Variants in ESR2 observed in about 807,000 individuals in gnomAD.
ESR2 encodes the protein estrogen receptor 2.
A neutral mutation model predicts 49.6 loss-of-function variants in ESR2; 36 were observed. The ratio of observed to expected loss-of-function variants is 0.73; its 90% CI spans 0.56 to 0.96. The LOEUF is 0.96. ESR2 is among the 40% of genes least tolerant of loss of function. ESR2 has a pLI of 0.00. For synonymous variants in ESR2, 320 were observed against 266.1 expected (o/e 1.20, Z -1.97); for missense variants, 714 against 693.0 (o/e 1.03, Z -0.34).
intron 1 of ESR2, among the ~76,000 whole-genome samples, chr14:64,303,230 C>T (rs1460962571): frequency 6.6e-6 from 1 of 152,192 alleles, no homozygotes; most frequent in African/African-American, 2.4e-5. Context: ...CACAGGTGCT[C>T]AGGTCGGCTT....
In ESR2 at chr14:64,300,764, T is replaced by A. The variant is rs182377180; in HGVS notation, c.-90-17689A>T. Among the ~76,000 whole-genome samples, 946 of 151,788 alleles carry A rather than the reference T, an allele frequency of 6.2e-3. 9 individuals carry two copies. Among genetic ancestry groups the A allele is most frequent in the African/African-American group, 0.021 (850 of 41,402 alleles). On this transcript the variant is annotated intron_variant, in intron 1 of 8. Transcript: ENST00000358599. ...GATACCTCATCTTTAAAAAAAAAAA[T>A]TTTTTTCTGACACTCAGCATTACAT...
Position 64,279,314 on chromosome 14 carries a change from G to T in ESR2, c.535+667C>A, listed in dbSNP as rs34160122. Among the ~76,000 whole-genome samples, 1,107 of 152,174 alleles carry T rather than the reference G, an allele frequency of 7.3e-3. 9 individuals are homozygous for T. Among genetic ancestry groups the T allele is most frequent in the Non-Finnish European group, 9.8e-3 (667 of 68,026 alleles). ...CTGAGGGCTATGTCACAGGCCATTTGTCACTCATATTTGGCTCAGAATAAA... is the reference window on the plus strand; with the variant it reads ...CTGAGGGCTATGTCACAGGCCATTTTTCACTCATATTTGGCTCAGAATAAA... On this transcript the variant is annotated intron_variant, in intron 3 of 8. Transcript: ENST00000341099.
chr14:64,320,624 G>C (rs1203415576), intron 1 of ESR2, among the ~76,000 whole-genome samples: 2 of 152,204 alleles, frequency 1.3e-5, no homozygotes, highest in Non-Finnish European at 2.9e-5. Context: ...TGGGCGCAGT[G>C]ACTCATGCCT....
At chr14:64,316,282 G>C (rs1229110947) in intron 1 of ESR2, among the ~76,000 whole-genome samples, 2 of 151,866 alleles carry the variant, frequency 1.3e-5, no homozygotes, top group African/African-American at 4.8e-5. Context: ...AACGTGCTGG[G>C]ATTACTGCAT....
chr14:64,237,772 A>T (rs2075636481), intron 7 of ESR2, among the ~76,000 whole-genome samples: 1 of 152,228 alleles, frequency 6.6e-6, no homozygotes, highest in Non-Finnish European at 1.5e-5. Context: ...TAAGCCAGAC[A>T]CAAAGGACCA....
chr14:64,252,127 G>A (rs1267981306), intron 6 of ESR2, among the ~76,000 whole-genome samples: 2 of 152,000 alleles, frequency 1.3e-5, no homozygotes, highest in Non-Finnish European at 2.9e-5. Flanking sequence ...GACCAGCCTG[G>A]GCGATGTAGC....
In ESR2 at chr14:64,233,204, C is replaced by T. The variant is rs138689384; in HGVS notation, c.1526G>A (p.Gly509Glu). Residue 509 changes from glycine (G) to glutamate (E), a missense_variant, in exon 9 of 9, where the codon GGG becomes GAG. Gly to Glu is a moderately conservative substitution (Grantham distance 98). Coordinates refer to ENST00000341099, the MANE Select transcript of ESR2 (RefSeq NM_001437.3). ...GTCCTCTGCCGGGCTGCACTCGGAC[C>T]CCGTGATGGAGGACTTGCACCCGCG... Reference protein sequence around the residue: ...VLRGCKSSITGSECSPAEDSK... With the variant: ...VLRGCKSSITESECSPAEDSK... The T allele has an allele frequency of 2.0e-5, 32 of 1,614,032 alleles. No homozygotes were observed. Among genetic ancestry groups the T allele is most frequent in the Non-Finnish European group, 2.7e-5 (32 of 1,180,032 alleles).
chr14:64,260,558 C>A lies in ESR2; in HGVS notation c.843G>T (p.Leu281=), dbSNP rs758845568. 3 of 1,587,198 alleles carry A rather than the reference C, an allele frequency of 1.9e-6. No individual in the cohort carries two copies. The highest frequency in any genetic ancestry group is 2.3e-5 in the South Asian group (2 of 87,712). ...TLLEAEPPHV[L]ISRPSAPFTE... is the part of the protein sequence containing the mutation. ...TGAAGGGCGCACTGGGGCGGCTGAT[C>A]AGCACATGGGGCGGCTCAGCCTCCA... is the stretch of plus-strand genomic sequence containing the variant. The change falls in exon 5 of 9, where the codon CTG becomes CTT. Residue 281 remains leucine, a synonymous_variant. Transcript: ENST00000341099.
At chr14:64,322,588 A>C (rs377478991) in intron 1 of ESR2, among the ~76,000 whole-genome samples, 1 of 151,578 alleles carries the variant, frequency 6.6e-6, no homozygotes, top group Admixed American at 6.6e-5. Context: ...AATAATAATG[A>C]GGTACCTTGT....
At chr14:64,316,552 T>C (rs1333243643) in intron 1 of ESR2, among the ~76,000 whole-genome samples, 1 of 152,160 alleles carries the variant, frequency 6.6e-6, no homozygotes, top group Non-Finnish European at 1.5e-5. Flanking sequence ...CTCTTGCCTG[T>C]AATCCCAGCA....
At chr14:64,330,290 G>C (rs536135583) in intron 1 of ESR2, 2 of 152,398 alleles carry the variant, frequency 1.3e-5, no homozygotes, top group Admixed American at 1.3e-4. Context: ...GTAGCCAGGC[G>C]TGGTGGCACA....
intron 7 of ESR2, among the ~76,000 whole-genome samples, chr14:64,239,315 C>G (rs1472594113): frequency 6.6e-6 from 1 of 152,162 alleles, no homozygotes; most frequent in African/African-American, 2.4e-5. Context: ...TTTGTCTTCT[C>G]CACCCACCCA....
chr14:64,304,684 C>G (rs1454580802), intron 1 of ESR2, among the ~76,000 whole-genome samples: 1 of 151,936 alleles, frequency 6.6e-6, no homozygotes, highest in Non-Finnish European at 1.5e-5. Flanking sequence ...GCCTGGGCAA[C>G]ATAGTGAGAC....
intron 8 of ESR2, 98 bp from the exon 9 acceptor site, chr14:64,233,421 C>G (rs1367353677): frequency 8.6e-7 from 1 of 1,166,982 alleles, no homozygotes; most frequent in African/African-American, 1.5e-5. Context: ...CAGTCTACCC[C>G]ACCCCTAAAC....
At chr14:64,234,612 C>A in intron 8 of ESR2, 1 of 351,602 alleles carries the variant, frequency 2.8e-6, no homozygotes, top group Non-Finnish European at 5.1e-6. Context: ...TTAGCCTCTC[C>A]ACAAAAAGTG....
At chr14:64,246,065 G>A (rs564033946) in intron 7 of ESR2, among the ~76,000 whole-genome samples, 37 of 152,302 alleles carry the variant, frequency 2.4e-4, no homozygotes, top group Non-Finnish European at 4.4e-4. Flanking sequence ...CTGGTGGGCC[G>A]GATGTGGTGG....
intron 6 of ESR2, 74 bp from the exon 7 acceptor site, chr14:64,249,753 AT>A: frequency 6.9e-7 from 1 of 1,448,902 alleles, no homozygotes; most frequent in Non-Finnish European, 9.5e-7. Context: ...GGAATGTTTT[AT>A]TTTTAATCTC....
rs530253544 is a variant in ESR2, at chr14:64,256,741, AAAAAC to A, written c.1091+480_1091+484del. On this transcript the variant is annotated intron_variant, in intron 6 of 8. Transcript: ENST00000341099. ...GAGACTCCATCTCAGAAAAAAAACA[AAAAAC>A]AAAACAAAACAAAACAAAAAAAAAC... Among the ~76,000 whole-genome samples, 659 of 152,230 alleles carry A rather than the reference AAAAAC, an allele frequency of 4.3e-3. 6 individuals are homozygous for A. Among genetic ancestry groups the A allele is most frequent in the African/African-American group, 0.015 (608 of 41,526 alleles).
chr14:64,294,679 C>T (rs953469665), upstream of ESR2, among the ~76,000 whole-genome samples: 1 of 152,230 alleles, frequency 6.6e-6, no homozygotes, highest in African/African-American at 2.4e-5. Context: ...GGGGACCACA[C>T]TTCGAGGATC....
Sources: gnomAD v4.1 joint callset for allele counts (sites outside exome capture counted in the v4.1 genomes callset) on GRCh38, gnomAD v4.1.1 for gene constraint, MANE v1.5 for transcripts, NCBI Gene and HGNC (gene_info 2026-07-23, HGNC 2026-07-21) for gene names.